GPM6A: variants seen among roughly 807,000 people sequenced by gnomAD.
GPM6A encodes the protein neuronal membrane glycoprotein M6-a.
In GPM6A, 7 loss-of-function variants were observed where a neutral mutation model predicts 32.1. The observed-to-expected ratio is 0.22, with a 90% CI of 0.12 to 0.41. The LOEUF (loss-of-function observed/expected upper bound fraction) is 0.41. Ranked by LOEUF, GPM6A falls within the 10% of genes least tolerant of loss-of-function variation. The pLI is 1.00. For missense variants in GPM6A, 235 were observed against 347.2 expected (o/e 0.68, Z 2.57); for synonymous variants, 130 against 123.4 (o/e 1.05, Z -0.35).
intron 1 of GPM6A, chr4:175,805,935 G>A (rs1159334665): frequency 1.3e-5 from 2 of 152,156 alleles, no homozygotes; most frequent in African/African-American, 4.8e-5. Context: ...GTACAAAGAA[G>A]TAAGTTACTG....
At chr4:175,889,518 CAAA>C (rs35210127) in intron 1 of GPM6A, among the ~76,000 whole-genome samples, 2 of 137,004 alleles carry the variant, frequency 1.5e-5, no homozygotes, top group Admixed American at 7.2e-5. Flanking sequence ...ACCCTGTCTC[CAAA>C]AAAAAAAAAA....
At chr4:175,765,608 T>C (rs1732931814) in intron 1 of GPM6A, among the ~76,000 whole-genome samples, 1 of 152,194 alleles carries the variant, frequency 6.6e-6, no homozygotes, top group Admixed American at 6.5e-5. Context: ...ACTGTCCTAT[T>C]AAATATTAGA....
chr4:175,749,400 G>A (rs2111184641), intron 1 of GPM6A, among the ~76,000 whole-genome samples: 1 of 152,290 alleles, frequency 6.6e-6, no homozygotes, highest in Admixed American at 6.5e-5. Context: ...GGTGTTAACA[G>A]ACTTGCTGGA....
chr4:175,703,107 C>A lies in GPM6A; in HGVS notation c.38-1340G>T, dbSNP rs75057612. Among the ~76,000 whole-genome samples, 317 of 152,262 alleles carry A rather than the reference C, an allele frequency of 2.1e-3. 1 individual carries two copies. The highest frequency in any genetic ancestry group is 4.5e-3 in the African/African-American group (186 of 41,562). ...AATGAGTTAATATAAAAAAATAGTGCTTGACATAGAGTAACTACTCACTAC... is the reference window on the plus strand; with the variant it reads ...AATGAGTTAATATAAAAAAATAGTGATTGACATAGAGTAACTACTCACTAC... On this transcript the variant is annotated intron_variant, in intron 1 of 6. Coordinates refer to ENST00000393658, the MANE Select transcript of GPM6A (RefSeq NM_201591.3).
intron 1 of GPM6A, among the ~76,000 whole-genome samples, chr4:175,865,518 G>A (rs1736706709): frequency 6.6e-6 from 1 of 152,172 alleles, no homozygotes. Context: ...TCAATTTGAA[G>A]AGAATGAACA....
intron 1 of GPM6A, among the ~76,000 whole-genome samples, chr4:175,702,545 G>C (rs1744937894): frequency 6.6e-6 from 1 of 152,050 alleles, no homozygotes; most frequent in Non-Finnish European, 1.5e-5. Flanking sequence ...GACAGAGTCT[G>C]GCTCTGTTGC....
intron 1 of GPM6A, among the ~76,000 whole-genome samples, chr4:175,712,936 A>G (rs969463977): frequency 6.6e-6 from 1 of 152,212 alleles, no homozygotes; most frequent in African/African-American, 2.4e-5. Flanking sequence ...CAATATTGTG[A>G]TATCTTTAGT....
chr4:175,986,679 A>G (rs1444534432), intron 1 of GPM6A, among the ~76,000 whole-genome samples: 1 of 152,090 alleles, frequency 6.6e-6, no homozygotes, highest in Non-Finnish European at 1.5e-5. Flanking sequence ...TTTCATCTCC[A>G]TTGCTGCTAG....
chr4:175,767,217 G>A (rs1442698253), intron 1 of GPM6A, among the ~76,000 whole-genome samples: 2 of 152,148 alleles, frequency 1.3e-5, no homozygotes, highest in Non-Finnish European at 2.9e-5. Flanking sequence ...TTTCAAAGAA[G>A]TTAGAGAGTT....
chr4:175,960,804 TA>T (rs372444130), intron 1 of GPM6A: 66 of 152,348 alleles, frequency 4.3e-4, no homozygotes, highest in African/African-American at 1.4e-3. Flanking sequence ...CTTCAAATTC[TA>T]AAATTCTGTG....
intron 1 of GPM6A, among the ~76,000 whole-genome samples, chr4:175,803,792 C>T (rs1234818615): frequency 6.6e-6 from 1 of 152,084 alleles, no homozygotes; most frequent in Non-Finnish European, 1.5e-5. Flanking sequence ...TTGAAAAACT[C>T]CTGGCCCTTA....
At chr4:175,707,271 G>A (rs1033486576) in intron 1 of GPM6A, among the ~76,000 whole-genome samples, 5 of 152,144 alleles carry the variant, frequency 3.3e-5, no homozygotes, top group Admixed American at 6.5e-5. Flanking sequence ...CCCTCTCTTG[G>A]GGTCTGGATG....
intron 2 of GPM6A, among the ~76,000 whole-genome samples, chr4:175,696,158 C>A (rs1744569295): frequency 2.0e-5 from 3 of 152,120 alleles, no homozygotes; most frequent in Admixed American, 2.0e-4. Context: ...TTACTCTGTG[C>A]CAGCCATGTT....
intron 1 of GPM6A, among the ~76,000 whole-genome samples, chr4:175,800,088 T>A (rs992410778): frequency 6.6e-6 from 1 of 152,174 alleles, no homozygotes; most frequent in African/African-American, 2.4e-5. Context: ...GAGAGTACAA[T>A]ATTTTTAAAA....
At chr4:175,847,301 C>A (rs536434172) in intron 1 of GPM6A, among the ~76,000 whole-genome samples, 1 of 152,284 alleles carries the variant, frequency 6.6e-6, no homozygotes, top group South Asian at 2.1e-4. Context: ...TGCATTATTG[C>A]TTTCTGCTCT....
At chr4:175,968,603 A>T (rs1740402134) in intron 1 of GPM6A, among the ~76,000 whole-genome samples, 1 of 152,212 alleles carries the variant, frequency 6.6e-6, no homozygotes, top group African/African-American at 2.4e-5. Context: ...TAACCCAATT[A>T]AAAAACGGAC....
At chr4:175,710,477 C>G (rs769945761) in intron 1 of GPM6A, among the ~76,000 whole-genome samples, 2 of 149,026 alleles carry the variant, frequency 1.3e-5, no homozygotes, top group Non-Finnish European at 3.0e-5. Context: ...TATTTATTTT[C>G]GTTTTCAAAT....
intron 1 of GPM6A, among the ~76,000 whole-genome samples, chr4:175,911,047 C>T (rs903295516): frequency 6.6e-6 from 1 of 152,112 alleles, no homozygotes; most frequent in Non-Finnish European, 1.5e-5. Context: ...GCTTACACAT[C>T]CTATGCCCCG....
intron 4 of GPM6A, among the ~76,000 whole-genome samples, chr4:175,642,580 T>A (rs1741210643): frequency 6.6e-6 from 1 of 152,178 alleles, no homozygotes; most frequent in Admixed American, 6.5e-5. Flanking sequence ...GCCCACCTTT[T>A]CCTTCATGCT....
Sources: gnomAD v4.1 joint callset for allele counts (sites outside exome capture counted in the v4.1 genomes callset) on GRCh38, gnomAD v4.1.1 for gene constraint, MANE v1.5 for transcripts, NCBI Gene and HGNC (gene_info 2026-07-23, HGNC 2026-07-21) for gene names.